Variants in SLC66A2 observed in about 807,000 individuals in gnomAD.
SLC66A2 encodes the protein solute carrier family 66 member 2.
In SLC66A2, 23 loss-of-function variants were observed where a neutral mutation model predicts 25.5. The observed-to-expected ratio is 0.90, with a 90% CI of 0.65 to 1.28. The LOEUF is 1.28. SLC66A2 is among the 50% of genes most tolerant of loss of function. The probability of loss-of-function intolerance (pLI) is 0.00; values close to 1 mark genes in which losing one functional copy is unlikely to be tolerated. For synonymous variants in SLC66A2, 193 were observed against 166.5 expected, an observed-to-expected ratio of 1.16 and a Z score of -1.23; for missense variants, 396 against 373.1, an observed-to-expected ratio of 1.06 and a Z score of -0.51.
chr18:79,912,714 T>C (rs1290794730), intron 5 of SLC66A2, among the ~76,000 whole-genome samples: 1 of 152,180 alleles, frequency 6.6e-6, no homozygotes, highest in Non-Finnish European at 1.5e-5. Context: ...TGGTGCTGGC[T>C]TGGCAGCCCC....
chr18:79,914,687 G>A (rs546319992), intron 5 of SLC66A2, among the ~76,000 whole-genome samples: 2 of 152,376 alleles, frequency 1.3e-5, no homozygotes, highest in Admixed American at 6.5e-5. Context: ...ACAGCAAGGG[G>A]GGCAGAGGTG....
rs150340109 is a variant in SLC66A2, at chr18:79,919,322, G to A, written c.470C>T (p.Ala157Val). Reference sequence around the variant, plus strand: ...AATGGACAGGTAGGTGATGTAGCCCGCCACGCCCGTGAAGGCCAGGACGCA... The same window carrying A: ...AATGGACAGGTAGGTGATGTAGCCCACCACGCCCGTGAAGGCCAGGACGCA... ...VQCVLAFTGV[A>V]GYITYLSIDS... The change falls in exon 5 of 6, where the codon GCG becomes GTG. Residue 157 changes from alanine (A) to valine (V), a missense_variant. Coordinates refer to ENST00000397778, the MANE Select transcript of SLC66A2 (RefSeq NM_025078.5). The A allele has an allele frequency of 3.7e-5, 59 of 1,613,162 alleles. No individual in the cohort carries two copies. The highest frequency in any genetic ancestry group is 6.7e-5 in the East Asian group (3 of 44,894).
chr18:79,942,978 A>T (rs1285360383), intron 3 of SLC66A2, among the ~76,000 whole-genome samples: 2 of 152,208 alleles, frequency 1.3e-5, no homozygotes, highest in Non-Finnish European at 2.9e-5. Flanking sequence ...CACACAGACG[A>T]AACGCCTGAC....
chr18:79,951,008 C>A lies in SLC66A2; in HGVS notation c.-82G>T. 9.0e-7 allele frequency: 1 copy of A among 1,111,894 alleles called. No individual in the cohort carries two copies. The highest frequency in any genetic ancestry group is 2.1e-5 in the South Asian group (1 of 46,956). The allele number at this position is 1,111,894 out of a possible 1,614,324, so 68.9% of individuals were successfully genotyped here. ...CGCCTGCTCATCGCCGCTCCGCGCG[C>A]TCCTGCGGCCTCGGGGCCTGCGGGG... On this transcript the variant is annotated 5_prime_UTR_variant, in exon 2 of 6. Transcript: ENST00000397778.
intron 5 of SLC66A2, among the ~76,000 whole-genome samples, chr18:79,908,131 ATATAT>A (rs1459874559): frequency 4.6e-5 from 7 of 152,264 alleles, no homozygotes; most frequent in South Asian, 2.1e-4. Flanking sequence ...AGAAAAATAT[ATATAT>A]TATATTTACC....
At chr18:79,945,122 C>G (rs990076862) in intron 2 of SLC66A2, 1 of 152,526 alleles carries the variant, frequency 6.6e-6, no homozygotes, top group African/African-American at 2.4e-5. Context: ...GAAGGTTCCA[C>G]TTGCAGGTGA....
At chr18:79,919,113 T>C in intron 5 of SLC66A2, 71 bp downstream of exon 5, 2 of 1,402,656 alleles carry the variant, frequency 1.4e-6, no homozygotes, top group Non-Finnish European at 2.0e-6. Flanking sequence ...AGGCGTTTGA[T>C]TTTTACCAAA....
chr18:79,951,592 G>C lies in SLC66A2; in HGVS notation c.-111C>G, dbSNP rs1248668136. Reference sequence around the variant, plus strand: ...CCCGCGCTCCTTACCTGCGCCCCCAGCCCCGCGCCCAGCGCCCCGCGTCCC... The same window carrying C: ...CCCGCGCTCCTTACCTGCGCCCCCACCCCCGCGCCCAGCGCCCCGCGTCCC... On this transcript the variant is annotated 5_prime_UTR_variant, in exon 1 of 6. Coordinates refer to ENST00000397778, the MANE Select transcript of SLC66A2 (RefSeq NM_025078.5). 1 of 151,338 alleles carries C rather than the reference G, an allele frequency of 6.6e-6. No homozygotes were observed. 9.4% of individuals were successfully genotyped at this position (151,338 alleles called of 1,614,324 possible). A position where few individuals can be genotyped will look rare whatever the true frequency, so the allele number is the denominator to read the frequency against.
At position 79,903,950 on chromosome 18, in the gene SLC66A2, G is replaced by T; in HGVS notation, c.*26C>A. The T allele has an allele frequency of 6.4e-7, 1 of 1,571,412 alleles. No homozygotes were observed. The highest frequency in any genetic ancestry group is 8.6e-7 in the Non-Finnish European group (1 of 1,161,144). ...GGCCCACCAGTGCCCGCGGCTGGCG[G>T]TCCCACATCCTCGTCCTCCCCACTG... is the stretch of plus-strand genomic sequence containing the variant. On this transcript the variant is annotated 3_prime_UTR_variant, in exon 6 of 6. Transcript: ENST00000397778.
intron 5 of SLC66A2, among the ~76,000 whole-genome samples, chr18:79,912,325 A>C (rs1413475206): frequency 2.0e-5 from 3 of 152,194 alleles, no homozygotes; most frequent in Admixed American, 6.5e-5. Context: ...ATAAACGTTA[A>C]ACAACCAAAT....
chr18:79,933,651 G>A (rs918887236), intron 4 of SLC66A2, among the ~76,000 whole-genome samples: 10 of 152,118 alleles, frequency 6.6e-5, no homozygotes, highest in Non-Finnish European at 1.5e-4. Context: ...CATCAAAAAG[G>A]ATAAAATACT....
At chr18:79,908,318 A>T (rs967387829) in intron 5 of SLC66A2, among the ~76,000 whole-genome samples, 4 of 147,378 alleles carry the variant, frequency 2.7e-5, no homozygotes, top group African/African-American at 7.5e-5. Flanking sequence ...TCCTAAAGGA[A>T]TTTTTTTTTT....
At chr18:79,925,713 T>C (rs991030569) in intron 4 of SLC66A2, among the ~76,000 whole-genome samples, 2 of 152,210 alleles carry the variant, frequency 1.3e-5, no homozygotes, top group African/African-American at 4.8e-5. Context: ...GACTGTCTCC[T>C]AATGGGTAAG....
chr18:79,942,079 C>T lies in SLC66A2; in HGVS notation c.337+1250G>A, dbSNP rs562488370. Among the ~76,000 whole-genome samples, 24 of 152,312 alleles carry T rather than the reference C, an allele frequency of 1.6e-4. No individual in the cohort carries two copies. In the East Asian group the frequency reaches 2.3e-3, roughly 15 times the overall value. ...AGCAAAGCCTTGCGGGGAGCAAGAC[C>T]GAGTCACCTAAGCAGAAATGTAAAA... On this transcript the variant is annotated intron_variant, in intron 3 of 5. Transcript: ENST00000397778.
In SLC66A2 at chr18:79,904,871, G is replaced by A. The variant is rs532148405; in HGVS notation, c.609-688C>T. 1.7e-4 allele frequency among the ~76,000 whole-genome samples: 26 copies of A among 152,324 alleles called. No homozygotes were observed. Among genetic ancestry groups the A allele is most frequent in the African/African-American group, 6.0e-4 (25 of 41,582 alleles). ...TCCCGTGTGAAATGTTTAAATCAGC[G>A]GCCGCTGACCCTTCCACAGCTCCTG... On this transcript the variant is annotated intron_variant, in intron 5 of 5. Transcript: ENST00000397778. This position sits in a 1 kb window ranked among gnomAD's most constrained non-coding sequence, Gnocchi z 6.3.
At chr18:79,930,274 T>C (rs1181563539) in intron 4 of SLC66A2, 2 of 151,756 alleles carry the variant, frequency 1.3e-5, no homozygotes, top group Admixed American at 6.6e-5. Flanking sequence ...TCAGAAACAA[T>C]GGAGTCCAGA....
At chr18:79,942,866 G>A (rs546956739) in intron 3 of SLC66A2, among the ~76,000 whole-genome samples, 1 of 152,338 alleles carries the variant, frequency 6.6e-6, no homozygotes, top group African/African-American at 2.4e-5. Flanking sequence ...ACCCTGCGGG[G>A]GGACTCTGGG....
rs112435251 is a variant in SLC66A2 at position 79,938,153 on chromosome 18, A to G, written c.338-4131T>C. Among the ~76,000 whole-genome samples the G allele has an allele frequency of 6.0e-4, 91 of 152,184 alleles. 1 individual carries two copies. Among genetic ancestry groups the G allele is most frequent in the African/African-American group, 2.0e-3 (85 of 41,530 alleles). On this transcript the variant is annotated intron_variant, in intron 3 of 5. Coordinates refer to ENST00000397778, the MANE Select transcript of SLC66A2 (RefSeq NM_025078.5). ...AGAGTGAGACCCTGTCTCAAAAAAAAAAAAAAGAAAGAAAGAAAAAAGAAA... is the reference window on the plus strand; with the variant it reads ...AGAGTGAGACCCTGTCTCAAAAAAAGAAAAAAGAAAGAAAGAAAAAAGAAA...
chr18:79,916,090 GTGCTCTCATACC>G, intron 5 of SLC66A2: 3 of 199,838 alleles, frequency 1.5e-5, no homozygotes, highest in African/African-American at 8.3e-5. Context: ...CGTACCCACG[GTGCTCTCATACC>G]CGCAGTGCTC....
Sources: allele counts gnomAD v4.1 joint callset (sites outside exome capture counted in the v4.1 genomes callset), GRCh38; gene constraint gnomAD v4.1.1; non-coding constraint Gnocchi (gnomAD v3.1); transcripts MANE v1.5; gene names NCBI Gene and HGNC (gene_info 2026-07-23, HGNC 2026-07-21).